Variants in PPARGC1B observed in about 807,000 individuals in gnomAD.
PPARGC1B encodes PPARG coactivator 1 beta.
A neutral mutation model predicts 101.6 loss-of-function variants in PPARGC1B; 34 were observed. The ratio of observed to expected loss-of-function variants is 0.33; its 90% CI spans 0.25 to 0.45. The LOEUF is 0.45. Among genes scored for constraint, PPARGC1B ranks in the 20% least tolerant of loss-of-function variants. The pLI is 1.00. For synonymous variants in PPARGC1B, 548 were observed against 539.3 expected (o/e 1.02, Z -0.22); for missense variants, 1,234 against 1,317.6 (o/e 0.94, Z 0.98).
At chr5:149,759,595 A>G (rs948646623) in intron 1 of PPARGC1B, among the ~76,000 whole-genome samples, 2 of 152,156 alleles carry the variant, frequency 1.3e-5, no homozygotes, top group Non-Finnish European at 2.9e-5. Flanking sequence ...GCAGCATACA[A>G]ATGAGAGTTA....
chr5:149,775,291 G>T (rs960321573), intron 1 of PPARGC1B, among the ~76,000 whole-genome samples: 13 of 152,182 alleles, frequency 8.5e-5, no homozygotes, highest in African/African-American at 3.1e-4. Context: ...ATGGAGCCTA[G>T]GTTCTTGTCC....
intron 1 of PPARGC1B, among the ~76,000 whole-genome samples, chr5:149,757,208 G>T (rs1005702380): frequency 6.6e-6 from 1 of 152,200 alleles, no homozygotes; most frequent in African/African-American, 2.4e-5. Flanking sequence ...ACCTTCTGGG[G>T]AAAAGTATTC....
intron 1 of PPARGC1B, among the ~76,000 whole-genome samples, chr5:149,794,040 C>A (rs1757117173): frequency 6.6e-6 from 1 of 152,192 alleles, no homozygotes; most frequent in Non-Finnish European, 1.5e-5. Flanking sequence ...TGCTTTTGCA[C>A]CACAGAGTTG....
chr5:149,759,821 C>T (rs1755658590), intron 1 of PPARGC1B, among the ~76,000 whole-genome samples: 1 of 152,156 alleles, frequency 6.6e-6, no homozygotes, highest in African/African-American at 2.4e-5. Flanking sequence ...GGGCCAGGGG[C>T]CACCCACACC....
In PPARGC1B at chr5:149,842,317, A is replaced by C. The variant is rs768987298; in HGVS notation, c.2756A>C (p.Lys919Thr). Reference sequence around the variant, plus strand: ...AGCGACATGAGCTCCCGAGAGCTGAAGAGGCGCTTTGAAGTGTTTGGTGAG... The same window carrying C: ...AGCGACATGAGCTCCCGAGAGCTGACGAGGCGCTTTGAAGTGTTTGGTGAG... The part of the protein sequence containing the change: ...LSSDMSSREL[K>T]RRFEVFGEIE... The change falls in exon 10 of 12, where the codon AAG becomes ACG. Residue 919 changes from lysine (K) to threonine (T), a missense_variant. Around this residue, in one of 3 missense-constraint regions of PPARGC1B, gnomAD observed 497 missense variants for 529.5 expected, o/e 0.94. Transcript: ENST00000309241. 6.2e-7 allele frequency: 1 copy of C among 1,614,168 alleles called. No individual in the cohort carries two copies. The highest frequency in any genetic ancestry group is 2.2e-5 in the East Asian group (1 of 44,882).
intron 1 of PPARGC1B, among the ~76,000 whole-genome samples, chr5:149,795,814 T>TTC (rs577967801): frequency 5.9e-5 from 9 of 152,032 alleles, no homozygotes; most frequent in African/African-American, 2.2e-4. Context: ...TCTTTTTTTT[T>TTC]CACAGTATAA....
rs114890888 is a variant in PPARGC1B, at chr5:149,802,715, G to A, written c.79-17718G>A. 4.4e-3 allele frequency among the ~76,000 whole-genome samples: 671 copies of A among 151,858 alleles called. 6 individuals are homozygous for A. Among genetic ancestry groups the A allele is most frequent in the African/African-American group, 0.015 (637 of 41,388 alleles). On this transcript the variant is annotated intron_variant, in intron 1 of 11. Coordinates refer to ENST00000309241, the MANE Select transcript of PPARGC1B (RefSeq NM_133263.4). Reference sequence around the variant, plus strand: ...CAGCTGGGGCTGGGAGGACTCAGGTGTTGCATCCATGGTCACATGATAAGG... The same window carrying A: ...CAGCTGGGGCTGGGAGGACTCAGGTATTGCATCCATGGTCACATGATAAGG...
At chr5:149,754,495 AAT>A (rs1209832117) in intron 1 of PPARGC1B, among the ~76,000 whole-genome samples, 2 of 152,210 alleles carry the variant, frequency 1.3e-5, no homozygotes, top group East Asian at 3.8e-4. Context: ...ATAGATAGAT[AAT>A]CAGTATAAAA....
chr5:149,819,103 G>A (rs978457987), intron 1 of PPARGC1B, among the ~76,000 whole-genome samples: 4 of 152,194 alleles, frequency 2.6e-5, no homozygotes, highest in Non-Finnish European at 4.4e-5. Context: ...GTAGCTCTGG[G>A]TTTAGGCCTG....
At chr5:149,815,415 A>T (rs1286640867) in intron 1 of PPARGC1B, among the ~76,000 whole-genome samples, 1 of 152,176 alleles carries the variant, frequency 6.6e-6, no homozygotes, top group Non-Finnish European at 1.5e-5. Context: ...TGTACAAGCC[A>T]AGGAGAAAGG....
chr5:149,834,820 C>CGGT (rs1271230473), intron 6 of PPARGC1B, 110 bp downstream of exon 6: 1 of 967,734 alleles, frequency 1.0e-6, no homozygotes, highest in Non-Finnish European at 1.6e-6. Flanking sequence ...GCCCCGGCCC[C>CGGT]ACACCCTGTG....
At chr5:149,805,608 T>G (rs938543409) in intron 1 of PPARGC1B, among the ~76,000 whole-genome samples, 3 of 152,052 alleles carry the variant, frequency 2.0e-5, no homozygotes, top group Non-Finnish European at 2.9e-5. Flanking sequence ...CCTGGCTAAT[T>G]TTTGTATTTT....
In PPARGC1B at chr5:149,851,118, A is replaced by G. The variant is rs1487282705; in HGVS notation, c.*3560A>G. On this transcript the variant is annotated 3_prime_UTR_variant, in exon 12 of 12. Transcript: ENST00000309241. ...GCAGGGCTTTGCGGGCAGGAGAAGG[A>G]AGGGAGGAATGCTCTGAGCTGCAAA... 1 of 152,190 alleles carries G rather than the reference A, an allele frequency of 6.6e-6. No individual in the cohort carries two copies. The highest frequency in any genetic ancestry group is 1.5e-5 in the Non-Finnish European group (1 of 68,034). 9.4% of individuals were successfully genotyped at this position (152,190 alleles called of 1,614,324 possible). A position where few individuals can be genotyped will look rare whatever the true frequency, so the allele number is the denominator to read the frequency against.
Position 149,852,549 on chromosome 5 carries a change from T to A in PPARGC1B, c.*4991T>A, listed in dbSNP as rs1009785698. The A allele has an allele frequency of 3.9e-5, 6 of 152,160 alleles. No individual in the cohort carries two copies. The highest frequency in any genetic ancestry group is 1.2e-4 in the African/African-American group (5 of 41,434). The allele number at this position is 152,160 out of a possible 1,614,324, so 9.4% of individuals were successfully genotyped here. ...CCCGGGACAGATCTAAGCCATAGTT[T>A]CTAGTGGGGACAGTAAGGAATTAAA... On this transcript the variant is annotated 3_prime_UTR_variant, in exon 12 of 12. Coordinates refer to ENST00000309241, the MANE Select transcript of PPARGC1B (RefSeq NM_133263.4).
chr5:149,789,380 A>C (rs1430292550), intron 1 of PPARGC1B, among the ~76,000 whole-genome samples: 1 of 152,206 alleles, frequency 6.6e-6, no homozygotes, highest in East Asian at 1.9e-4. Flanking sequence ...TCCTTGCGGA[A>C]GTCATTTTCC....
intron 1 of PPARGC1B, among the ~76,000 whole-genome samples, chr5:149,787,360 A>G (rs1001413067): frequency 1.3e-5 from 2 of 152,240 alleles, no homozygotes; most frequent in African/African-American, 4.8e-5. Flanking sequence ...GAGCTGGGCC[A>G]GGAGGCATTG....
At chr5:149,757,397 G>T (rs535606150) in intron 1 of PPARGC1B, among the ~76,000 whole-genome samples, 2 of 152,000 alleles carry the variant, frequency 1.3e-5, no homozygotes, top group East Asian at 1.9e-4. Flanking sequence ...ATCAGTGCAC[G>T]CCCTGCCTGA....
chr5:149,776,701 G>T (rs1437346222), intron 1 of PPARGC1B, among the ~76,000 whole-genome samples: 1 of 152,222 alleles, frequency 6.6e-6, no homozygotes, highest in Non-Finnish European at 1.5e-5. Flanking sequence ...GGCCACCATT[G>T]TAGTGTAACG....
At chr5:149,738,613 T>G (rs1754808297) in intron 1 of PPARGC1B, among the ~76,000 whole-genome samples, 1 of 152,032 alleles carries the variant, frequency 6.6e-6, no homozygotes, top group African/African-American at 2.4e-5. Flanking sequence ...AAGCATTTTT[T>G]TTTTTTTGAG....
Sources: allele counts gnomAD v4.1 joint callset (sites outside exome capture counted in the v4.1 genomes callset), GRCh38; gene constraint gnomAD v4.1.1; regional missense constraint gnomAD v4.1.1; transcripts MANE v1.5; gene names NCBI Gene and HGNC (gene_info 2026-07-23, HGNC 2026-07-21).